Variants in UBE2V2 observed in about 807,000 individuals in gnomAD.
UBE2V2 encodes the protein ubiquitin conjugating enzyme E2 V2.
Under a neutral mutation model 17.2 loss-of-function variants are expected in UBE2V2, and 9 were observed. That is an observed-to-expected ratio of 0.52 (90% CI 0.32 to 0.91). UBE2V2 has a LOEUF of 0.91. Ranked by LOEUF, UBE2V2 falls within the 40% of genes least tolerant of loss-of-function variation. UBE2V2 has a pLI of 0.04. For synonymous variants in UBE2V2, 61 were observed against 57.5 expected (o/e 1.06, Z -0.28); for missense variants, 133 against 182.6 (o/e 0.73, Z 1.56).
chr8:48,048,861 T>C (rs1171250950), intron 2 of UBE2V2, among the ~76,000 whole-genome samples: 1 of 151,974 alleles, frequency 6.6e-6, no homozygotes, highest in African/African-American at 2.4e-5. Context: ...CTTTCATTTA[T>C]TTATGTATAT....
At chr8:48,035,948 CTTTTTTTTTTT>C (rs780718248) in intron 1 of UBE2V2, among the ~76,000 whole-genome samples, 8,490 of 121,710 alleles carry the variant, frequency 0.07, 416 homozygotes, top group Middle Eastern at 0.19. Context: ...CCTTGCCTTT[CTTTTTTTTTTT>C]TTTTTTTTTG....
rs927470204 is a variant in UBE2V2, at chr8:48,063,635, A to G, written c.*2807A>G. 3 of 152,152 alleles carry G rather than the reference A, an allele frequency of 2.0e-5. No individual in the cohort carries two copies. Among genetic ancestry groups the G allele is most frequent in the African/African-American group, 7.2e-5 (3 of 41,440 alleles). The allele number at this position is 152,152 out of a possible 1,614,324, so 9.4% of individuals were successfully genotyped here. ...ACAATTTTTAAAAATATTTTTTTCTACCATTCTAAAGTAATGTCTTTTGTT... is the reference window on the plus strand; with the variant it reads ...ACAATTTTTAAAAATATTTTTTTCTGCCATTCTAAAGTAATGTCTTTTGTT... On this transcript the variant is annotated 3_prime_UTR_variant, in exon 4 of 4. Coordinates refer to ENST00000523111, the MANE Select transcript of UBE2V2 (RefSeq NM_003350.3).
upstream of UBE2V2, among the ~76,000 whole-genome samples, chr8:48,005,385 A>G (rs1345271459): frequency 2.0e-5 from 3 of 152,158 alleles, no homozygotes; most frequent in African/African-American, 7.2e-5. Flanking sequence ...TCCATGGTGT[A>G]TATTTGCCAC....
At chr8:47,999,444 C>T in the UBE2V2 span, among the ~76,000 whole-genome samples, 1 of 151,984 alleles carries the variant, frequency 6.6e-6, no homozygotes, top group East Asian at 1.9e-4. Context: ...GCAACCTCTG[C>T]CTCCCAGGTT....
At chr8:48,046,666 C>A (rs1384229361) in intron 2 of UBE2V2, among the ~76,000 whole-genome samples, 1 of 152,156 alleles carries the variant, frequency 6.6e-6, no homozygotes, top group Non-Finnish European at 1.5e-5. Flanking sequence ...GTGGCCCGAT[C>A]ACACCTCACA....
chr8:48,046,495 C>T (rs572680257), intron 2 of UBE2V2, among the ~76,000 whole-genome samples: 8 of 152,312 alleles, frequency 5.3e-5, no homozygotes, highest in East Asian at 1.9e-4. Flanking sequence ...TCAGATGATC[C>T]GCCCACCTCG....
chr8:48,000,349 T>C, the UBE2V2 span, among the ~76,000 whole-genome samples: 4 of 152,352 alleles, frequency 2.6e-5, no homozygotes, highest in Non-Finnish European at 5.9e-5. Flanking sequence ...TAAATACTCC[T>C]AAGTAAAATC....
At chr8:48,045,792 CA>C (rs953100093) in intron 2 of UBE2V2, among the ~76,000 whole-genome samples, 1 of 152,214 alleles carries the variant, frequency 6.6e-6, no homozygotes. Flanking sequence ...CTCTTGAAGG[CA>C]GGTCACAGCA....
chr8:48,004,430 G>T (rs1030323449), upstream of UBE2V2, among the ~76,000 whole-genome samples: 8 of 151,864 alleles, frequency 5.3e-5, no homozygotes, highest in African/African-American at 1.5e-4. Flanking sequence ...GAGAAAAACA[G>T]TCTCATTTTG....
chr8:48,042,121 A>G (rs1262982135), intron 1 of UBE2V2: 1 of 152,190 alleles, frequency 6.6e-6, no homozygotes, highest in Non-Finnish European at 1.5e-5. Flanking sequence ...CACTGGAATT[A>G]TGTTTTTCAC....
Position 48,035,107 on chromosome 8 carries a change from CTTTTTTTTTTTTTT to C in UBE2V2, c.17-7914_17-7901del, listed in dbSNP as rs578114987. On this transcript the variant is annotated intron_variant, in intron 1 of 3. Transcript: ENST00000523111. ...TAGCATTGCTGCTTCCCTATTTATT[CTTTTTTTTTTTTTT>C]TTTTTTTTTTTGGAGGTGGAGTCTC... 2.5e-4 allele frequency: 210 copies of C among 855,616 alleles called. 2 individuals carry two copies. The highest frequency in any genetic ancestry group is 2.7e-4 in the Non-Finnish European group (200 of 748,932). The allele number at this position is 855,616 out of a possible 1,614,324, so 53.0% of individuals were successfully genotyped here.
chr8:48,039,930 A>C (rs1052388071), intron 1 of UBE2V2, among the ~76,000 whole-genome samples: 1 of 151,608 alleles, frequency 6.6e-6, no homozygotes, highest in South Asian at 2.1e-4. Flanking sequence ...GGGTCTTGCC[A>C]TGTTGCCCAG....
chr8:48,019,536 G>T lies in UBE2V2; in HGVS notation c.16+11066G>T, dbSNP rs62542293. Among the ~76,000 whole-genome samples, 17 of 148,452 alleles carry T rather than the reference G, an allele frequency of 1.1e-4. No individual in the cohort carries two copies. The South Asian group carries it at 3.7e-3, about 32-fold the overall frequency. ...AGAGCGAGACTGTCTCAAAAAAACGGCAGGGCATGGTGGCTCATGCCTGTA... is the reference window on the plus strand; with the variant it reads ...AGAGCGAGACTGTCTCAAAAAAACGTCAGGGCATGGTGGCTCATGCCTGTA... On this transcript the variant is annotated intron_variant, in intron 1 of 3. Coordinates refer to ENST00000523111, the MANE Select transcript of UBE2V2 (RefSeq NM_003350.3).
At position 48,031,289 on chromosome 8, in the gene UBE2V2, ACT is replaced by A. The variant is rs533691966; in HGVS notation, c.17-11743_17-11742del. Among the ~76,000 whole-genome samples the A allele has an allele frequency of 1.3e-4, 20 of 152,212 alleles. 1 individual carries two copies. The South Asian group carries it at 4.1e-3, about 32-fold the overall frequency. On this transcript the variant is annotated intron_variant, in intron 1 of 3. Transcript: ENST00000523111. ...TCCTTTTTGTAGATTGTAATATTTC[ACT>A]GTTTTATTTTTAGTTTGCTTTTCTG...
chr8:48,033,871 C>T (rs1412389666), intron 1 of UBE2V2, among the ~76,000 whole-genome samples: 5 of 152,024 alleles, frequency 3.3e-5, no homozygotes, highest in Admixed American at 3.3e-4. Flanking sequence ...GTGGGAGGAT[C>T]GCTTGAGCCT....
chr8:48,040,099 A>G (rs183086026), intron 1 of UBE2V2, among the ~76,000 whole-genome samples: 4 of 150,896 alleles, frequency 2.7e-5, no homozygotes, highest in Admixed American at 1.3e-4. Context: ...TAACATAAGT[A>G]GTACGAAGGA....
the UBE2V2 span, among the ~76,000 whole-genome samples, chr8:47,997,791 G>A: frequency 2.0e-5 from 3 of 151,892 alleles, no homozygotes; most frequent in Non-Finnish European, 4.4e-5. Context: ...AGTAGGAGGC[G>A]GGATGGTTGG....
chr8:48,000,511 G>A, the UBE2V2 span, among the ~76,000 whole-genome samples: 5 of 152,158 alleles, frequency 3.3e-5, no homozygotes, highest in Non-Finnish European at 4.4e-5. Flanking sequence ...CTGGGGCTCT[G>A]ATAAGGCCAC....
intron 3 of UBE2V2, among the ~76,000 whole-genome samples, chr8:48,054,511 G>A (rs1204242429): frequency 6.6e-6 from 1 of 151,016 alleles, no homozygotes; most frequent in Non-Finnish European, 1.5e-5. Flanking sequence ...TGTGGGTAGG[G>A]TGAATATATT....
Sources: gnomAD v4.1 joint callset for allele counts (sites outside exome capture counted in the v4.1 genomes callset) on GRCh38, gnomAD v4.1.1 for gene constraint, MANE v1.5 for transcripts, NCBI Gene and HGNC (gene_info 2026-07-23, HGNC 2026-07-21) for gene names.